Variants in UBE2E2 observed in about 807,000 individuals in gnomAD.
UBE2E2 encodes ubiquitin conjugating enzyme E2 E2.
UBE2E2 carries 6 observed loss-of-function variants against 24.7 expected under a neutral mutation model. The observed-to-expected ratio is 0.24, with a 90% CI of 0.13 to 0.48. The LOEUF (loss-of-function observed/expected upper bound fraction) is 0.48. Ranked by LOEUF, UBE2E2 falls within the 20% of genes least tolerant of loss-of-function variation. The probability of loss-of-function intolerance (pLI) is 0.99; values close to 1 mark genes in which losing one functional copy is unlikely to be tolerated. For missense variants in UBE2E2, 169 were observed against 245.0 expected, an observed-to-expected ratio of 0.69 and a Z score of 2.07; for synonymous variants, 104 against 83.6, an observed-to-expected ratio of 1.24 and a Z score of -1.33.
In UBE2E2 at chr3:23,488,446, G is replaced by A. The variant is rs1699427388; in HGVS notation, c.228-11162G>A. ...CTCATCGTTCAACTCCCACTTATGA[G>A]TGAGAACACAAATTACACAGCTTAA... On this transcript the variant is annotated intron_variant, in intron 3 of 5. Coordinates refer to ENST00000396703, the MANE Select transcript of UBE2E2 (RefSeq NM_152653.4). Among the ~76,000 whole-genome samples, 3 of 152,062 alleles carry A rather than the reference G, an allele frequency of 2.0e-5. No homozygotes were observed. In the South Asian group the frequency reaches 6.2e-4, roughly 32 times the overall value.
chr3:23,281,572 A>T (rs1013063665), intron 3 of UBE2E2, among the ~76,000 whole-genome samples: 1 of 152,230 alleles, frequency 6.6e-6, no homozygotes, highest in Non-Finnish European at 1.5e-5. Flanking sequence ...CAGGAGTTGT[A>T]GGCTGCAGTG....
At chr3:23,579,854 G>C (rs1696435964) in intron 5 of UBE2E2, among the ~76,000 whole-genome samples, 1 of 152,148 alleles carries the variant, frequency 6.6e-6, no homozygotes, top group Non-Finnish European at 1.5e-5. Flanking sequence ...CATGGGAGGA[G>C]GTCAAAATAT....
intron 3 of UBE2E2, among the ~76,000 whole-genome samples, chr3:23,469,897 C>A (rs561958472): frequency 6.6e-6 from 1 of 152,128 alleles, no homozygotes; most frequent in Admixed American, 6.5e-5. Context: ...GCATAGAAAT[C>A]TTGAATATGG....
In UBE2E2 at chr3:23,313,370, C is replaced by G. The variant is rs1694465835; in HGVS notation, c.227+96058C>G. Among the ~76,000 whole-genome samples, 6 of 141,088 alleles carry G rather than the reference C, an allele frequency of 4.3e-5. No homozygotes were observed. In the South Asian group the frequency reaches 8.8e-4, roughly 21 times the overall value. 92.6% of individuals were successfully genotyped at this position (141,088 alleles called of 152,430 possible). On this transcript the variant is annotated intron_variant, in intron 3 of 5. Transcript: ENST00000396703. The stretch of plus-strand genomic sequence containing the variant: ...ATAGGTGAAGTGTGTTTCTTGTAGG[C>G]AATGGATCATTGGGTCTTTTTTTTT...
intron 3 of UBE2E2, among the ~76,000 whole-genome samples, chr3:23,444,649 G>A (rs1698386166): frequency 6.6e-6 from 1 of 152,188 alleles, no homozygotes; most frequent in Non-Finnish European, 1.5e-5. Flanking sequence ...CTGGAGGGCA[G>A]TGCTCCAACA....
chr3:23,470,291 A>G (rs1699007359), intron 3 of UBE2E2, among the ~76,000 whole-genome samples: 2 of 152,164 alleles, frequency 1.3e-5, no homozygotes, highest in African/African-American at 4.8e-5. Context: ...TAGTGAAGTG[A>G]AAAGTTCTCT....
At chr3:23,443,776 T>TTAAC (rs1698359432) in intron 3 of UBE2E2, among the ~76,000 whole-genome samples, 1 of 152,200 alleles carries the variant, frequency 6.6e-6, no homozygotes, top group Admixed American at 6.5e-5. Flanking sequence ...ATACACCCCT[T>TTAAC]TAACCACTGA....
intron 3 of UBE2E2, among the ~76,000 whole-genome samples, chr3:23,327,870 A>G (rs546339091): frequency 6.6e-6 from 1 of 152,322 alleles, no homozygotes; most frequent in East Asian, 1.9e-4. Flanking sequence ...TTCTGATTTC[A>G]TGAAATGTCA....
chr3:23,560,903 T>A (rs1291438062), intron 5 of UBE2E2, among the ~76,000 whole-genome samples: 1 of 152,224 alleles, frequency 6.6e-6, no homozygotes. Context: ...TTGCCCACTT[T>A]TTGATGGGGT....
At chr3:23,276,121 T>A (rs1698370602) in intron 3 of UBE2E2, among the ~76,000 whole-genome samples, 1 of 152,262 alleles carries the variant, frequency 6.6e-6, no homozygotes, top group African/African-American at 2.4e-5. Flanking sequence ...AAGGTGGCTA[T>A]CTGGCATGTA....
chr3:23,422,841 G>GA (rs754111122), intron 3 of UBE2E2, among the ~76,000 whole-genome samples: 2 of 152,036 alleles, frequency 1.3e-5, no homozygotes, highest in East Asian at 3.9e-4. Flanking sequence ...AGTGTCTAGG[G>GA]AAGGGTCTAG....
intron 3 of UBE2E2, among the ~76,000 whole-genome samples, chr3:23,421,160 G>T (rs934698271): frequency 1.3e-5 from 2 of 152,190 alleles, no homozygotes; most frequent in Non-Finnish European, 1.5e-5. Flanking sequence ...CAGCTTGAAG[G>T]TCAGCTAAAT....
At chr3:23,281,882 G>A (rs1698498578) in intron 3 of UBE2E2, among the ~76,000 whole-genome samples, 1 of 152,100 alleles carries the variant, frequency 6.6e-6, no homozygotes, top group Non-Finnish European at 1.5e-5. Context: ...TAGGTTTATT[G>A]TTTGTTTATG....
At chr3:23,406,019 C>T (rs1235342249) in intron 3 of UBE2E2, among the ~76,000 whole-genome samples, 1 of 152,128 alleles carries the variant, frequency 6.6e-6, no homozygotes, top group Non-Finnish European at 1.5e-5. Context: ...AAGATCTTCT[C>T]AGTTGTGAAG....
At chr3:23,532,892 T>C (rs1486587292) in intron 5 of UBE2E2, among the ~76,000 whole-genome samples, 191 bp downstream of exon 5, 1 of 152,114 alleles carries the variant, frequency 6.6e-6, no homozygotes, top group African/African-American at 2.4e-5. Context: ...AGACCTATCA[T>C]TTGCCAAAAA....
At chr3:23,295,433 G>C (rs1698883168) in intron 3 of UBE2E2, among the ~76,000 whole-genome samples, 1 of 152,162 alleles carries the variant, frequency 6.6e-6, no homozygotes, top group African/African-American at 2.4e-5. Flanking sequence ...AGTGACATAA[G>C]GGAATGAATG....
intron 3 of UBE2E2, among the ~76,000 whole-genome samples, chr3:23,428,857 A>AG: frequency 6.7e-6 from 1 of 148,156 alleles, no homozygotes; most frequent in Non-Finnish European, 1.5e-5. Context: ...AGCCTGGGAA[A>AG]TGGAGGCTGC....
rs115826589 is a variant in UBE2E2 at position 23,588,970 on chromosome 3, G to A, written c.509-764G>A. Among the ~76,000 whole-genome samples, 919 of 152,232 alleles carry A rather than the reference G, an allele frequency of 6.0e-3. 6 individuals are homozygous for A. The highest frequency in any genetic ancestry group is 0.011 in the Non-Finnish European group (726 of 68,012). On this transcript the variant is annotated intron_variant, in intron 5 of 5. Transcript: ENST00000396703. ...TTGACTGTCCAGCTCAGACTCTGGC[G>A]TCTCCTCAGATAAGGTAATCTGGCA... is the stretch of plus-strand genomic sequence containing the variant.
intron 3 of UBE2E2, among the ~76,000 whole-genome samples, chr3:23,458,405 G>A (rs1466408935): frequency 1.3e-5 from 2 of 149,620 alleles, no homozygotes; most frequent in African/African-American, 5.0e-5. Flanking sequence ...TGGTGGTGGT[G>A]GTGGTGGTGG....
Sources: allele counts gnomAD v4.1 joint callset (sites outside exome capture counted in the v4.1 genomes callset), GRCh38; gene constraint gnomAD v4.1.1; transcripts MANE v1.5; gene names NCBI Gene and HGNC (gene_info 2026-07-23, HGNC 2026-07-21).